Variants in LRRFIP2 observed in about 807,000 individuals in gnomAD.
LRRFIP2 encodes the protein leucine-rich repeat flightless-interacting protein 2.
LRRFIP2 carries 109 observed loss-of-function variants against 125.9 expected under a neutral mutation model. That is an observed-to-expected ratio of 0.87 (90% CI 0.74 to 1.01). The LOEUF (loss-of-function observed/expected upper bound fraction) is 1.01, where lower values mean the gene tolerates loss of function less well. Among genes scored for constraint, LRRFIP2 ranks in the 50% least tolerant of loss-of-function variants. The probability of loss-of-function intolerance (pLI) is 0.00; values close to 1 mark genes in which losing one functional copy is unlikely to be tolerated. For synonymous variants in LRRFIP2, 291 were observed against 293.1 expected (o/e 0.99, Z 0.07); for missense variants, 850 against 862.3 (o/e 0.99, Z 0.18).
chr3:37,094,855 G>C lies in LRRFIP2; in HGVS notation c.972C>G (p.Ser324=). 1 of 1,613,940 alleles carries C rather than the reference G, an allele frequency of 6.2e-7. No homozygotes were observed. Among genetic ancestry groups the C allele is most frequent in the Non-Finnish European group, 8.5e-7 (1 of 1,179,860 alleles). The stretch of plus-strand genomic sequence containing the variant: ...TGCTGGTGTCCCCACTTCCTCGTCT[G>C]GATGAGTTTCCACTTAGAGGGGTTG... ...SATTPLSGNS[S]RRGSGDTSSL... The change falls in exon 17 of 28, where the codon TCC becomes TCG. Residue 324 remains serine, a synonymous_variant. Coordinates refer to ENST00000336686, the MANE Select transcript of LRRFIP2 (RefSeq NM_006309.4).
intron 13 of LRRFIP2, 97 bp from the exon 14 acceptor site, chr3:37,105,620 ATAAC>A (rs1394053425): frequency 1.3e-6 from 1 of 793,946 alleles, no homozygotes; most frequent in Non-Finnish European, 2.2e-6. Flanking sequence ...ATGCATATGA[ATAAC>A]TATATAAGCA....
rs1310693612 is a variant in LRRFIP2, at chr3:37,055,113, TTC to T, written c.1921_1922del (p.Glu641ThrfsTer11). ...TTTGCTCCAAGGTAGTTATATCCTG[TTC>T]TGCTTTTGAAAGCTTAAATTTGTAT... is the stretch of plus-strand genomic sequence containing the variant. ...SEYKFKLSKA[E>X]QDITTLEQSI... On this transcript the variant is annotated frameshift_variant, in exon 26 of 28. Transcript: ENST00000336686. LOFTEE classifies it high-confidence loss of function. The T allele has an allele frequency of 6.3e-7, 1 of 1,596,948 alleles. No homozygotes were observed. Among genetic ancestry groups the T allele is most frequent in the Non-Finnish European group, 8.5e-7 (1 of 1,174,206 alleles).
chr3:37,173,344 AG>A lies in LRRFIP2; in HGVS notation c.-56+1194del, dbSNP rs200233905. Among the ~76,000 whole-genome samples the A allele has an allele frequency of 8.0e-3, 1,212 of 152,294 alleles. 18 individuals are homozygous for A. The highest frequency in any genetic ancestry group is 0.028 in the African/African-American group (1,149 of 41,564). On this transcript the variant is annotated intron_variant, in intron 1 of 27. Coordinates refer to ENST00000336686, the MANE Select transcript of LRRFIP2 (RefSeq NM_006309.4). ...CAGCCTCACAAGCAGCTGGGACTGC[AG>A]GGACACACCACCAGCTAATTTTTTT...
chr3:37,140,760 C>T (rs888071382), intron 2 of LRRFIP2, among the ~76,000 whole-genome samples: 19 of 151,862 alleles, frequency 1.3e-4, no homozygotes, highest in African/African-American at 4.1e-4. Context: ...TTATATTCCC[C>T]ATCAACTACC....
intron 2 of LRRFIP2, chr3:37,143,754 AT>A: frequency 5.9e-6 from 1 of 168,290 alleles, no homozygotes; most frequent in Non-Finnish European, 1.3e-5. Flanking sequence ...CTGGTCAGGC[AT>A]TTCACTTTGG....
Position 37,079,160 on chromosome 3 carries a change from G to A in LRRFIP2, c.1279-4044C>T, listed in dbSNP as rs936173224. On this transcript the variant is annotated intron_variant, in intron 19 of 27. Transcript: ENST00000336686. Reference sequence around the variant, plus strand: ...AGGATCTGAATAGACATTTTGCCAAGGAAGATATGCAAATAGCCAATAAGC... The same window carrying A: ...AGGATCTGAATAGACATTTTGCCAAAGAAGATATGCAAATAGCCAATAAGC... 3.4e-4 allele frequency among the ~76,000 whole-genome samples: 51 copies of A among 152,126 alleles called. 1 individual carries two copies. Among genetic ancestry groups the A allele is most frequent in the Non-Finnish European group, 1.2e-4 (8 of 68,028 alleles).
intron 1 of LRRFIP2, among the ~76,000 whole-genome samples, chr3:37,153,623 T>C (rs774597638): frequency 6.6e-6 from 1 of 152,142 alleles, no homozygotes; most frequent in Non-Finnish European, 1.5e-5. Flanking sequence ...CCTGCCAGAG[T>C]ATTCCTGGAC....
intron 1 of LRRFIP2, among the ~76,000 whole-genome samples, chr3:37,165,187 A>G (rs1020811905): frequency 2.0e-5 from 3 of 151,522 alleles, no homozygotes; most frequent in Non-Finnish European, 2.9e-5. Flanking sequence ...GTGAGCCGAG[A>G]CTGCACCACT....
At chr3:37,134,424 A>G (rs779024678) in intron 2 of LRRFIP2, among the ~76,000 whole-genome samples, 1 of 152,212 alleles carries the variant, frequency 6.6e-6, no homozygotes, top group African/African-American at 2.4e-5. Flanking sequence ...TTGGGGGTGG[A>G]ACCCCATTCG....
At chr3:37,093,791 C>G (rs2093591165) in intron 17 of LRRFIP2, among the ~76,000 whole-genome samples, 1 of 152,204 alleles carries the variant, frequency 6.6e-6, no homozygotes, top group South Asian at 2.1e-4. Context: ...CCAGCCTTCT[C>G]TCTTACACGC....
chr3:37,092,960 T>C (rs3774323), intron 17 of LRRFIP2, among the ~76,000 whole-genome samples: 53,387 of 151,986 alleles, frequency 0.35, 10,532 homozygotes, highest in Non-Finnish European at 0.45. Context: ...TGCCTCAGCC[T>C]CCCAAGTAGC....
chr3:37,161,728 T>C (rs1577885528), intron 1 of LRRFIP2, among the ~76,000 whole-genome samples: 1 of 110,580 alleles, frequency 9.0e-6, no homozygotes, highest in Non-Finnish European at 1.9e-5. Context: ...AGTACCTCAA[T>C]AAAAAAATTA....
intron 8 of LRRFIP2, among the ~76,000 whole-genome samples, chr3:37,112,085 T>C (rs2094564359): frequency 6.6e-6 from 1 of 152,138 alleles, no homozygotes; most frequent in Non-Finnish European, 1.5e-5. Context: ...GAAATTTGTT[T>C]AGCAGCCGGG....
intron 2 of LRRFIP2, among the ~76,000 whole-genome samples, chr3:37,134,014 T>A (rs923569490): frequency 4.6e-5 from 7 of 151,960 alleles, no homozygotes; most frequent in Non-Finnish European, 2.9e-5. Flanking sequence ...AAACCCCATC[T>A]CTACTAAAAA....
At chr3:37,124,032 A>G (rs2095176839) in intron 4 of LRRFIP2, among the ~76,000 whole-genome samples, 1 of 152,226 alleles carries the variant, frequency 6.6e-6, no homozygotes, top group African/African-American at 2.4e-5. Flanking sequence ...ACCCCCATAC[A>G]GGTCAGTTAA....
chr3:37,053,829 C>T lies in LRRFIP2; in HGVS notation c.*22G>A. The T allele has an allele frequency of 6.5e-7, 1 of 1,536,368 alleles. No individual in the cohort carries two copies. The highest frequency in any genetic ancestry group is 9.0e-7 in the Non-Finnish European group (1 of 1,109,176). ...CTAGGTAGGGCCCCAAGGAGCATCA[C>T]CCAGGTTGAAGGGTGGTTTTCCTAC... On this transcript the variant is annotated 3_prime_UTR_variant, in exon 28 of 28. Coordinates refer to ENST00000336686, the MANE Select transcript of LRRFIP2 (RefSeq NM_006309.4).
At chr3:37,169,675 G>A (rs2096558768) in intron 1 of LRRFIP2, among the ~76,000 whole-genome samples, 1 of 152,208 alleles carries the variant, frequency 6.6e-6, no homozygotes. Flanking sequence ...AAGTGGGCAT[G>A]TAAGGAACAA....
chr3:37,069,752 A>G (rs773835152), intron 21 of LRRFIP2, among the ~76,000 whole-genome samples: 6 of 152,236 alleles, frequency 3.9e-5, no homozygotes, highest in Non-Finnish European at 7.3e-5. Flanking sequence ...ATTAAAAAAG[A>G]GTCAACTCGT....
At chr3:37,085,354 G>C (rs2092965653) in intron 18 of LRRFIP2, among the ~76,000 whole-genome samples, 1 of 151,556 alleles carries the variant, frequency 6.6e-6, no homozygotes, top group African/African-American at 2.4e-5. Context: ...CCTATCTCTT[G>C]TACCAAAAAT....
Sources: gnomAD v4.1 joint callset for allele counts (sites outside exome capture counted in the v4.1 genomes callset) on GRCh38, gnomAD v4.1.1 for gene constraint, MANE v1.5 for transcripts, NCBI Gene and HGNC (gene_info 2026-07-23, HGNC 2026-07-21) for gene names.